Variants in CAMKMT observed in about 807,000 individuals in gnomAD.
CAMKMT encodes the protein CaM KMT.
A neutral mutation model predicts 48.0 loss-of-function variants in CAMKMT; 53 were observed. That is an observed-to-expected ratio of 1.10 (90% CI 0.89 to 1.39). The LOEUF is 1.39. Among genes scored for constraint, CAMKMT ranks in the 40% most tolerant of loss-of-function variants. The pLI is 0.00. For missense variants in CAMKMT, 428 were observed against 402.7 expected (o/e 1.06, Z -0.54); for synonymous variants, 165 against 152.3 (o/e 1.08, Z -0.61).
At chr2:44,511,257 G>A (rs1164232360) in intron 3 of CAMKMT, among the ~76,000 whole-genome samples, 8 of 152,138 alleles carry the variant, frequency 5.3e-5, no homozygotes, top group African/African-American at 1.9e-4. Context: ...ATGGCCTGTG[G>A]CTCCATCCAA....
intron 3 of CAMKMT, among the ~76,000 whole-genome samples, chr2:44,694,364 A>G (rs1209480925): frequency 6.6e-6 from 1 of 152,166 alleles, no homozygotes; most frequent in Non-Finnish European, 1.5e-5. Context: ...ACTTGAGCCC[A>G]GGAGTTCGAG....
chr2:44,665,472 A>C (rs1344831048), intron 3 of CAMKMT, among the ~76,000 whole-genome samples: 1 of 152,164 alleles, frequency 6.6e-6, no homozygotes, highest in Non-Finnish European at 1.5e-5. Context: ...TTGAGGCCAT[A>C]TTGTAGAGGC....
chr2:44,374,805 G>A (rs1679515421), intron 2 of CAMKMT, among the ~76,000 whole-genome samples: 1 of 152,036 alleles, frequency 6.6e-6, no homozygotes, highest in African/African-American at 2.4e-5. Flanking sequence ...CTGAGCTAAA[G>A]TGTTGGCTTC....
intron 3 of CAMKMT, among the ~76,000 whole-genome samples, chr2:44,557,920 C>T (rs537726043): frequency 6.6e-6 from 1 of 152,304 alleles, no homozygotes; most frequent in South Asian, 2.1e-4. Context: ...GCATGTCAGT[C>T]AGTTTAAAAT....
chr2:44,626,551 A>G (rs567922814), intron 3 of CAMKMT, among the ~76,000 whole-genome samples: 2 of 152,266 alleles, frequency 1.3e-5, no homozygotes, highest in East Asian at 3.9e-4. Context: ...GGAAGCTGGG[A>G]AGTCCTCAAG....
intron 1 of CAMKMT, among the ~76,000 whole-genome samples, chr2:44,364,091 C>T (rs1192115342): frequency 6.9e-6 from 1 of 145,776 alleles, no homozygotes; most frequent in Non-Finnish European, 1.5e-5. Flanking sequence ...TCAAGCAATC[C>T]TCCCACCTCA....
intron 7 of CAMKMT, among the ~76,000 whole-genome samples, chr2:44,729,069 G>C (rs1678948641): frequency 6.6e-6 from 1 of 151,684 alleles, no homozygotes; most frequent in Non-Finnish European, 1.5e-5. Context: ...GAAAAAGAGG[G>C]AGCCCCAGCC....
chr2:44,586,506 T>C (rs1669867650), intron 3 of CAMKMT, among the ~76,000 whole-genome samples: 1 of 152,196 alleles, frequency 6.6e-6, no homozygotes, highest in Admixed American at 6.5e-5. Flanking sequence ...CTAGCATTTA[T>C]GTAAATAGAA....
intron 3 of CAMKMT, among the ~76,000 whole-genome samples, chr2:44,582,004 C>T (rs1162012292): frequency 6.6e-6 from 1 of 152,150 alleles, no homozygotes; most frequent in Non-Finnish European, 1.5e-5. Context: ...GTCTCAAAAA[C>T]AAAAACAAAA....
Position 44,625,142 on chromosome 2 carries a change from A to C in CAMKMT, c.377-79141A>C, listed in dbSNP as rs982449076. Among the ~76,000 whole-genome samples the C allele has an allele frequency of 2.0e-5, 3 of 152,314 alleles. No individual in the cohort carries two copies. The East Asian group carries it at 5.8e-4, about 29-fold the overall frequency. ...TGTATGAGAGTTTCAGTTGCTTCAC[A>C]TCCTTACTAACGCTTGGTATGATTA... On this transcript the variant is annotated intron_variant, in intron 3 of 10. Transcript: ENST00000378494.
At chr2:44,480,753 CTT>C (rs1668925232) in intron 3 of CAMKMT, among the ~76,000 whole-genome samples, 1 of 149,696 alleles carries the variant, frequency 6.7e-6, no homozygotes, top group African/African-American at 2.4e-5. Flanking sequence ...GAGCTGATCT[CTT>C]TGTATCAATT....
At chr2:44,504,310 GTTTAGGGCACTCCCT>G (rs1471212707) in intron 3 of CAMKMT, among the ~76,000 whole-genome samples, 2 of 152,142 alleles carry the variant, frequency 1.3e-5, no homozygotes, top group Non-Finnish European at 2.9e-5. Context: ...TTAGGACTTA[GTTTAGGGCACTCCCT>G]TTAGGGTCAT....
chr2:44,472,419 A>C (rs1668469254), intron 3 of CAMKMT, among the ~76,000 whole-genome samples: 1 of 152,226 alleles, frequency 6.6e-6, no homozygotes, highest in Admixed American at 6.5e-5. Flanking sequence ...GTCAGCGAAT[A>C]AATTGTAGCT....
At chr2:44,411,979 A>ATTTTT in intron 3 of CAMKMT, among the ~76,000 whole-genome samples, 1 of 91,840 alleles carries the variant, frequency 1.1e-5, no homozygotes, top group Non-Finnish European at 2.0e-5. Context: ...ATTCTCTTCA[A>ATTTTT]TTTTTTTTTT....
intron 3 of CAMKMT, chr2:44,631,351 A>G (rs540075050): frequency 2.9e-6 from 1 of 340,904 alleles, no homozygotes; most frequent in Non-Finnish European, 5.1e-6. Context: ...TACATATGTA[A>G]CTAACCTGCA....
chr2:44,402,054 C>T (rs1325665867), intron 3 of CAMKMT, among the ~76,000 whole-genome samples: 5 of 152,080 alleles, frequency 3.3e-5, no homozygotes, highest in African/African-American at 1.2e-4. Context: ...TGGCCGGGCG[C>T]GGTGGCTCAC....
intron 9 of CAMKMT, among the ~76,000 whole-genome samples, chr2:44,761,406 T>C (rs1419852266): frequency 1.3e-5 from 2 of 152,206 alleles, no homozygotes; most frequent in Non-Finnish European, 2.9e-5. Context: ...CGTGGGGCTT[T>C]GCCTGCCATA....
chr2:44,666,720 C>G (rs1674997944), intron 3 of CAMKMT, among the ~76,000 whole-genome samples: 1 of 151,634 alleles, frequency 6.6e-6, no homozygotes, highest in Non-Finnish European at 1.5e-5. Flanking sequence ...AAGGGATTCT[C>G]CTGCCTCAGC....
intron 3 of CAMKMT, among the ~76,000 whole-genome samples, chr2:44,574,139 A>G (rs935462931): frequency 6.6e-6 from 1 of 152,174 alleles, no homozygotes; most frequent in Admixed American, 6.5e-5. Flanking sequence ...GGACATAATT[A>G]TCATGAAGGA....
Sources: gnomAD v4.1 joint callset for allele counts (sites outside exome capture counted in the v4.1 genomes callset) on GRCh38, gnomAD v4.1.1 for gene constraint, MANE v1.5 for transcripts, NCBI Gene and HGNC (gene_info 2026-07-23, HGNC 2026-07-21) for gene names.